Variants in PDE1C observed in about 807,000 individuals in gnomAD.
PDE1C encodes the protein phosphodiesterase 1C.
In PDE1C, 62 loss-of-function variants were observed where a neutral mutation model predicts 93.1. That is an observed-to-expected ratio of 0.67 (90% CI 0.54 to 0.82). The LOEUF (loss-of-function observed/expected upper bound fraction) is 0.82, where lower values mean the gene tolerates loss of function less well. PDE1C is among the 40% of genes least tolerant of loss of function. PDE1C has a pLI of 0.00. For missense variants in PDE1C, 742 were observed against 884.6 expected (o/e 0.84, Z 2.04); for synonymous variants, 325 against 310.1 (o/e 1.05, Z -0.50).
chr7:32,090,230 T>C, intron 3 of PDE1C, among the ~76,000 whole-genome samples: 1 of 152,212 alleles, frequency 6.6e-6, no homozygotes, highest in Non-Finnish European at 1.5e-5. Flanking sequence ...CTCCCTTCTT[T>C]TCACAGGCTT....
chr7:32,039,567 C>T (rs935303194), intron 2 of PDE1C, among the ~76,000 whole-genome samples: 7 of 152,166 alleles, frequency 4.6e-5, no homozygotes, highest in Admixed American at 1.3e-4. Context: ...GGCAGAGCTC[C>T]GCGATTCAGA....
At chr7:32,196,395 C>T (rs951458420) in intron 2 of PDE1C, among the ~76,000 whole-genome samples, 12 of 152,040 alleles carry the variant, frequency 7.9e-5, no homozygotes, top group African/African-American at 2.7e-4. Flanking sequence ...TTTTTGGGTA[C>T]CTGTTGTCAT....
the PDE1C span, among the ~76,000 whole-genome samples, chr7:31,719,169 G>A: frequency 6.6e-6 from 1 of 152,214 alleles, no homozygotes; most frequent in Non-Finnish European, 1.5e-5. Context: ...TACCAGAAAT[G>A]TTTTGACAAG....
chr7:31,990,035 G>T (rs894500876), intron 2 of PDE1C, among the ~76,000 whole-genome samples: 2 of 152,222 alleles, frequency 1.3e-5, no homozygotes, highest in African/African-American at 4.8e-5. Context: ...GGATGTGGAT[G>T]AACAGAAAAG....
At chr7:32,264,756 A>G (rs1810450642) in intron 1 of PDE1C, among the ~76,000 whole-genome samples, 1 of 152,204 alleles carries the variant, frequency 6.6e-6, no homozygotes. Flanking sequence ...GTGATGAATC[A>G]AGATGTCCCA....
intron 1 of PDE1C, among the ~76,000 whole-genome samples, chr7:32,350,571 TATATATATATA>T (rs1783945956): frequency 1.5e-4 from 1 of 6,562 alleles, no homozygotes; most frequent in African/African-American, 2.7e-4. Flanking sequence ...TATATATATA[TATATATATATA>T]TATATATATT....
chr7:32,311,566 G>A (rs555027778), intron 1 of PDE1C, among the ~76,000 whole-genome samples: 128 of 152,158 alleles, frequency 8.4e-4, no homozygotes, highest in Admixed American at 2.3e-3. Flanking sequence ...ATGATCAAGT[G>A]GGCTTCATCC....
intron 2 of PDE1C, among the ~76,000 whole-genome samples, chr7:32,004,075 G>A (rs1246943984): frequency 1.3e-5 from 2 of 152,050 alleles, no homozygotes; most frequent in Non-Finnish European, 2.9e-5. Flanking sequence ...TGATCAGTTT[G>A]CCACAAAGCC....
At chr7:32,051,708 T>C (rs1181842336) in intron 1 of PDE1C, 128 bp from the exon 2 acceptor site, 4 of 748,606 alleles carry the variant, frequency 5.3e-6, no homozygotes, top group South Asian at 1.6e-5. Context: ...GTGAAGCTTA[T>C]GGGTTTCAAA....
At chr7:32,173,336 G>A (rs1562546898) in intron 2 of PDE1C, among the ~76,000 whole-genome samples, 1 of 151,976 alleles carries the variant, frequency 6.6e-6, no homozygotes, top group African/African-American at 2.4e-5. Context: ...ATAGGGAGGA[G>A]AACAACACAC....
chr7:31,923,045 C>T (rs1463936246), intron 2 of PDE1C, among the ~76,000 whole-genome samples: 1 of 152,132 alleles, frequency 6.6e-6, no homozygotes, highest in Non-Finnish European at 1.5e-5. Context: ...AAACATAGAG[C>T]AGTGACATAT....
intron 1 of PDE1C, among the ~76,000 whole-genome samples, chr7:32,377,708 G>C (rs976979616): frequency 1.3e-5 from 2 of 152,130 alleles, no homozygotes; most frequent in Non-Finnish European, 2.9e-5. Context: ...ATGGAGAATT[G>C]AGACACAAAG....
Position 31,775,743 on chromosome 7 carries a change from GAA to G in PDE1C, c.1892-13_1892-12del, listed in dbSNP as rs1226930612. The G allele has an allele frequency of 1.2e-6, 2 of 1,610,192 alleles. No individual in the cohort carries two copies. The highest frequency in any genetic ancestry group is 1.7e-5 in the Admixed American group (1 of 59,898). ...AACGCTGTTTTGTGCCTGTGAAGAG[GAA>G]AAAGAGGATAAGGAAAAGTAGGATT... On this transcript the variant is annotated splice_polypyrimidine_tract_variant and intron_variant, in intron 16 of 17. Coordinates refer to ENST00000396191, the MANE Select transcript of PDE1C (RefSeq NM_001191057.4).
Position 31,991,918 on chromosome 7 carries a change from G to A in PDE1C, c.128+59636C>T, listed in dbSNP as rs142269212. Among the ~76,000 whole-genome samples the A allele has an allele frequency of 1.6e-3, 237 of 152,322 alleles. 1 individual carries two copies. The highest frequency in any genetic ancestry group is 5.5e-3 in the African/African-American group (229 of 41,576). On this transcript the variant is annotated intron_variant, in intron 2 of 17. Coordinates refer to ENST00000396191, the MANE Select transcript of PDE1C (RefSeq NM_001191057.4). ...CACCAATTCTGCAGTGTGAATCATT[G>A]TGTTTATCCTAACAGACGCAAAGCT...
At chr7:32,180,860 C>T (rs1487618764) in intron 2 of PDE1C, among the ~76,000 whole-genome samples, 2 of 152,164 alleles carry the variant, frequency 1.3e-5, no homozygotes, top group African/African-American at 2.4e-5. Context: ...CTGAAAGTTA[C>T]ATGGGAGAGA....
At chr7:32,159,695 G>A (rs538836745) in intron 3 of PDE1C, among the ~76,000 whole-genome samples, 1 of 152,286 alleles carries the variant, frequency 6.6e-6, no homozygotes, top group African/African-American at 2.4e-5. Flanking sequence ...TCTGGCAGGG[G>A]AGATGACAGG....
chr7:32,251,403 G>A (rs527600661), intron 1 of PDE1C, among the ~76,000 whole-genome samples: 1 of 152,280 alleles, frequency 6.6e-6, no homozygotes, highest in Admixed American at 6.5e-5. Context: ...CGGTTTTCCA[G>A]ACCAGGCACC....
chr7:31,817,176 G>A (rs1788380561), intron 14 of PDE1C, among the ~76,000 whole-genome samples: 1 of 152,118 alleles, frequency 6.6e-6, no homozygotes, highest in Admixed American at 6.6e-5. Flanking sequence ...AATCAGCATA[G>A]GGGAGGGAAA....
rs186875665 is a variant in PDE1C, at chr7:32,167,320, G to A, written c.308+2465C>T. ...TTGCAGAGAGCTAGAAAAGATTTCC[G>A]GGAAAAGTGGAATTAAGTATCTAAC... On this transcript the variant is annotated intron_variant, in intron 3 of 18. Coordinates refer to the PDE1C transcript ENST00000396193. 1.3e-3 allele frequency among the ~76,000 whole-genome samples: 192 copies of A among 152,170 alleles called. 4 individuals carry two copies. Among genetic ancestry groups the A allele is most frequent in the Non-Finnish European group, 2.1e-3 (144 of 68,004 alleles).
Sources: allele counts gnomAD v4.1 joint callset (sites outside exome capture counted in the v4.1 genomes callset), GRCh38; gene constraint gnomAD v4.1.1; transcripts MANE v1.5; gene names NCBI Gene and HGNC (gene_info 2026-07-23, HGNC 2026-07-21).